CREB3L2: variants seen among roughly 807,000 people sequenced by gnomAD.
CREB3L2 encodes cAMP responsive element binding protein 3 like 2.
A neutral mutation model predicts 57.2 loss-of-function variants in CREB3L2; 23 were observed. The observed-to-expected ratio is 0.40, with a 90% CI of 0.29 to 0.57. The LOEUF (loss-of-function observed/expected upper bound fraction) is 0.57, where lower values mean the gene tolerates loss of function less well. Among genes scored for constraint, CREB3L2 ranks in the 20% least tolerant of loss-of-function variants. The pLI, the probability that CREB3L2 is intolerant of heterozygous loss-of-function variation, is 0.42. For synonymous variants in CREB3L2, 268 were observed against 265.1 expected, an observed-to-expected ratio of 1.01 and a Z score of -0.11; for missense variants, 628 against 634.7, an observed-to-expected ratio of 0.99 and a Z score of 0.11.
intron 4 of CREB3L2, among the ~76,000 whole-genome samples, chr7:137,909,502 A>T (rs1239659845): frequency 6.6e-6 from 1 of 152,178 alleles, no homozygotes; most frequent in Non-Finnish European, 1.5e-5. Context: ...GCCAAGGGAG[A>T]TAACTGCAGG....
In CREB3L2 at chr7:137,877,488, T is replaced by A. The variant is rs1174106423; in HGVS notation, c.*2988A>T. The A allele has an allele frequency of 4.0e-5, 9 of 225,656 alleles. No individual in the cohort carries two copies. Among genetic ancestry groups the A allele is most frequent in the Non-Finnish European group, 7.1e-5 (8 of 113,384 alleles). The allele number at this position is 225,656 out of a possible 1,614,324, so 14.0% of individuals were successfully genotyped here. ...TTCATTTACAATATCCCTTTTTAAGTGCAAAGTCGAGGGCTGTGAAAAGAA... is the reference window on the plus strand; with the variant it reads ...TTCATTTACAATATCCCTTTTTAAGAGCAAAGTCGAGGGCTGTGAAAAGAA... On this transcript the variant is annotated 3_prime_UTR_variant, in exon 12 of 12. Coordinates refer to ENST00000330387, the MANE Select transcript of CREB3L2 (RefSeq NM_194071.4).
intron 11 of CREB3L2, among the ~76,000 whole-genome samples, chr7:137,881,412 A>C (rs183611780): frequency 6.6e-6 from 1 of 152,358 alleles, no homozygotes; most frequent in African/African-American, 2.4e-5. Context: ...TTAACTGTTA[A>C]GTATAATGCA....
chr7:137,999,417 C>CACACACAA, intron 1 of CREB3L2, among the ~76,000 whole-genome samples: 1 of 151,486 alleles, frequency 6.6e-6, no homozygotes, highest in Non-Finnish European at 1.5e-5. Flanking sequence ...CACACACACA[C>CACACACAA]ACGAATATAA....
intron 8 of CREB3L2, among the ~76,000 whole-genome samples, chr7:137,886,996 C>T (rs1475503041): frequency 1.3e-5 from 2 of 152,152 alleles, no homozygotes; most frequent in African/African-American, 4.8e-5. Context: ...TCCCCCACCC[C>T]CAAACCCAGT....
At chr7:137,899,575 G>C (rs1799710685) in intron 8 of CREB3L2, among the ~76,000 whole-genome samples, 1 of 152,218 alleles carries the variant, frequency 6.6e-6, no homozygotes, top group African/African-American at 2.4e-5. Flanking sequence ...AGAGGAAGTG[G>C]AGATAAAAAC....
intron 8 of CREB3L2, among the ~76,000 whole-genome samples, chr7:137,896,110 G>T (rs1799623421): frequency 6.6e-6 from 1 of 152,310 alleles, no homozygotes. Context: ...CTAGGGCAGG[G>T]CATTGCCAAT....
At chr7:137,886,865 T>C (rs1799430405) in intron 8 of CREB3L2, among the ~76,000 whole-genome samples, 1 of 152,114 alleles carries the variant, frequency 6.6e-6, no homozygotes, top group African/African-American at 2.4e-5. Flanking sequence ...TAAAATTCTT[T>C]GCAAATTCTG....
chr7:137,903,908 T>G (rs1799823684), intron 7 of CREB3L2, 51 bp downstream of exon 7: 2 of 1,467,900 alleles, frequency 1.4e-6, no homozygotes, highest in African/African-American at 1.4e-5. Context: ...CACACCCATA[T>G]TTCCCTGTGC....
At chr7:137,882,116 G>A (rs763134636) in intron 11 of CREB3L2, among the ~76,000 whole-genome samples, 1 of 152,212 alleles carries the variant, frequency 6.6e-6, no homozygotes, top group Non-Finnish European at 1.5e-5. Flanking sequence ...GGCTTGGAAG[G>A]GAGGATGGAG....
chr7:137,882,685 T>C (rs1441567469), intron 10 of CREB3L2, 57 bp from the exon 11 acceptor site: 1 of 1,222,994 alleles, frequency 8.2e-7, no homozygotes, highest in African/African-American at 1.5e-5. Context: ...GTCCAACACA[T>C]TCCCTCACTC....
intron 1 of CREB3L2, among the ~76,000 whole-genome samples, chr7:137,946,534 T>C (rs952890666): frequency 6.6e-6 from 1 of 151,360 alleles, no homozygotes; most frequent in Non-Finnish European, 1.5e-5. Context: ...TAACTGCAGG[T>C]TGGTGAGCCA....
chr7:137,940,771 C>T (rs944778422), intron 1 of CREB3L2, among the ~76,000 whole-genome samples: 3 of 152,170 alleles, frequency 2.0e-5, no homozygotes, highest in African/African-American at 7.2e-5. Flanking sequence ...TGCATGCTTC[C>T]TAGAAACCTA....
intron 1 of CREB3L2, among the ~76,000 whole-genome samples, chr7:137,970,512 G>A (rs1481790362): frequency 7.1e-6 from 1 of 141,118 alleles, no homozygotes; most frequent in Non-Finnish European, 1.5e-5. Context: ...TACGTTCAGG[G>A]TGAATCACTT....
chr7:137,949,155 G>T (rs1801049364), intron 1 of CREB3L2, among the ~76,000 whole-genome samples: 2 of 152,220 alleles, frequency 1.3e-5, no homozygotes, highest in African/African-American at 4.8e-5. Flanking sequence ...TTAGGCAAAT[G>T]CCAGCTATCA....
intron 1 of CREB3L2, among the ~76,000 whole-genome samples, chr7:137,989,109 C>A (rs1205615405): frequency 6.6e-6 from 1 of 152,108 alleles, no homozygotes; most frequent in Non-Finnish European, 1.5e-5. Flanking sequence ...AATCTTGTTC[C>A]AAAAAAATCA....
At chr7:137,917,434 C>A (rs1800162946) in intron 2 of CREB3L2, among the ~76,000 whole-genome samples, 1 of 152,130 alleles carries the variant, frequency 6.6e-6, no homozygotes, top group African/African-American at 2.4e-5. Context: ...TAAAATGAGG[C>A]TAAAATAAAG....
rs767040443 is a variant in CREB3L2 at position 137,880,460 on chromosome 7, G to T, written c.*16C>A. 1.2e-6 allele frequency: 2 copies of T among 1,604,152 alleles called. No homozygotes were observed. Among genetic ancestry groups the T allele is most frequent in the South Asian group, 1.1e-5 (1 of 90,408 alleles). ...AAGTAGAGTTAAGGGAAAGGGAGGG[G>T]GTGCAGGCAGCCTCTTTAGAAAGTG... On this transcript the variant is annotated 3_prime_UTR_variant, in exon 12 of 12. Coordinates refer to ENST00000330387, the MANE Select transcript of CREB3L2 (RefSeq NM_194071.4). This position sits in a 1 kb window ranked among gnomAD's most constrained non-coding sequence, Gnocchi z 4.0.
At chr7:137,937,226 G>C (rs1442720779) in intron 1 of CREB3L2, among the ~76,000 whole-genome samples, 1 of 152,216 alleles carries the variant, frequency 6.6e-6, no homozygotes, top group Non-Finnish European at 1.5e-5. Flanking sequence ...CCAAAGACTG[G>C]AGCCATAGAA....
chr7:137,928,881 G>A (rs1326976403), intron 1 of CREB3L2, among the ~76,000 whole-genome samples: 1 of 152,182 alleles, frequency 6.6e-6, no homozygotes, highest in Non-Finnish European at 1.5e-5. Flanking sequence ...CTTGATGAGA[G>A]GAATGGCAGA....
Sources: allele counts gnomAD v4.1 joint callset (sites outside exome capture counted in the v4.1 genomes callset), GRCh38; gene constraint gnomAD v4.1.1; non-coding constraint Gnocchi (gnomAD v3.1); transcripts MANE v1.5; gene names NCBI Gene and HGNC (gene_info 2026-07-23, HGNC 2026-07-21).